The following SSR4 variants were observed in gnomAD, a reference collection of about 807,000 sequenced individuals.
SSR4 encodes signal sequence receptor subunit 4, also known as translocon-associated protein subunit delta.
For missense variants in SSR4, 125 were observed against 148.8 expected (o/e 0.84, Z 0.83); for synonymous variants, 84 against 65.6 (o/e 1.28, Z -1.35).
At chrX:153,797,244 A>T in intron 2 of SSR4, 1 of 430,879 alleles carries the variant, frequency 2.3e-6, no homozygotes, top group South Asian at 3.4e-5. Context: ...AGGCCCGGCC[A>T]TGGGGATCTG....
In SSR4 at chrX:153,796,545, G is replaced by A; in HGVS notation, c.179G>A (p.Arg60Lys). 1 of 1,195,590 alleles carries A rather than the reference G, an allele frequency of 8.4e-7. No individual in the cohort carries two copies. Among genetic ancestry groups the A allele is most frequent in the Non-Finnish European group, 1.1e-6 (1 of 882,453 alleles). Residue 60 changes from arginine to lysine, a missense_variant, in exon 2 of 6, where the codon AGG (arginine) becomes AAG (lysine). Coordinates refer to ENST00000370086, the MANE Select transcript of SSR4 (RefSeq NM_006280.3). ...IVEISLTCKN[R>K]VQNMALYADV... ...GAGATCTCCCTGACATGCAAGAACA[G>A]GGTCCAGGTGAGACAGTGGGGTTTC... is the stretch of plus-strand genomic sequence containing the variant.
upstream of SSR4, chrX:153,794,664 T>G (rs2092128101): frequency 1.7e-6 from 2 of 1,211,135 alleles, no homozygotes; most frequent in Admixed American, 2.2e-5. Context: ...CTCGTTTTCT[T>G]TTCCTCTAGG....
At position 153,794,732 on chromosome X, in the gene SSR4, G is replaced by C. The variant is rs1557071760; in HGVS notation, c.45G>C (p.Leu15=). 8.3e-7 allele frequency: 1 copy of C among 1,210,604 alleles called. No homozygotes were observed. Among genetic ancestry groups the C allele is most frequent in the East Asian group, 3.0e-5 (1 of 33,796 alleles). The part of the protein sequence containing the change: ...ASLGALALLL[L]SSLSRCSAEA... ...TCGGCGCCCTGGCGCTGCTCCTGCT[G>C]TCCAGCCTCTCCCGCTGCTCAGGTA... Residue 15 remains leucine, a synonymous_variant, in exon 1 of 6, where the codon CTG becomes CTC. Coordinates refer to ENST00000370086, the MANE Select transcript of SSR4 (RefSeq NM_006280.3).
Position 153,794,872 on chromosome X carries a change from TC to T in SSR4, c.67+123del. The T allele has an allele frequency of 4.5e-6, 4 of 896,678 alleles. No homozygotes were observed. In the South Asian group the frequency reaches 7.6e-5, roughly 17 times the overall value. 73.9% of individuals were successfully genotyped at this position (896,678 alleles called of 1,213,427 possible). ...GGGTCCGTCGCTGCGGGCCGGGCCTTCCCCCGAGAGGCAGGCGGCCTTGGGA... is the reference window on the plus strand; with the variant it reads ...GGGTCCGTCGCTGCGGGCCGGGCCTTCCCCGAGAGGCAGGCGGCCTTGGGA... On this transcript the variant is annotated intron_variant, in intron 1 of 5. Transcript: ENST00000370086.
chrX:153,795,303 G>A (rs1557071983), intron 1 of SSR4: 1 of 115,640 alleles, frequency 8.6e-6, no homozygotes, highest in African/African-American at 3.2e-5. Flanking sequence ...CATTCGTGAG[G>A]GGCTGAGGTC....
upstream of SSR4, chrX:153,794,194 C>G (rs2092122857): frequency 1.2e-5 from 13 of 1,129,957 alleles, no homozygotes; most frequent in Admixed American, 3.4e-4. Context: ...GCGGCTACCC[C>G]ACCGCTCCCC....
intron 1 of SSR4, chrX:153,795,754 G>A (rs1557072161): frequency 6.8e-5 from 51 of 753,960 alleles, no homozygotes; most frequent in Non-Finnish European, 7.7e-5. Flanking sequence ...TGGACAGCGG[G>A]TGGCTGAGAA....
chrX:153,794,496 A>G, upstream of SSR4: 1 of 1,156,288 alleles, frequency 8.6e-7, no homozygotes, highest in Non-Finnish European at 1.2e-6. Flanking sequence ...CGCCATGTTG[A>G]GGGGGGGACC....
At position 153,797,471 on chromosome X, in the gene SSR4, A is replaced by G; in HGVS notation, c.200A>G (p.Tyr67Cys). The G allele has an allele frequency of 8.3e-7, 1 of 1,211,040 alleles. No homozygotes were observed. Among genetic ancestry groups the G allele is most frequent in the Non-Finnish European group, 1.1e-6 (1 of 894,889 alleles). Residue 67 changes from tyrosine (Y) to cysteine (C), a missense_variant, in exon 3 of 6, where the codon TAT (tyrosine) becomes TGT (cysteine). Transcript: ENST00000370086. ...CKNRVQNMAL[Y>C]ADVGGKQFPV... ...TCCCTCACCCAGAACATGGCTCTCT[A>G]TGCTGACGTCGGTGGAAAACAATTC...
rs782380395 is a variant in SSR4 at position 153,796,572 on chromosome X, G to C, written c.186+20G>C. 1.2e-5 allele frequency: 13 copies of C among 1,108,369 alleles called. No individual in the cohort carries two copies. The South Asian group carries it at 2.4e-4, about 20-fold the overall frequency. 91.3% of individuals were successfully genotyped at this position (1,108,369 alleles called of 1,213,427 possible). ...GTCCAGGTGAGACAGTGGGGTTTCAGACAGGAGGGCGGGTGGGGGGTGCTC... is the reference window on the plus strand; with the variant it reads ...GTCCAGGTGAGACAGTGGGGTTTCACACAGGAGGGCGGGTGGGGGGTGCTC... On this transcript the variant is annotated intron_variant, in intron 2 of 5. Transcript: ENST00000370086.
At chrX:153,795,838 G>A (rs1557072197) in intron 1 of SSR4, 1 of 754,082 alleles carries the variant, frequency 1.3e-6, no homozygotes, top group African/African-American at 2.3e-5. Context: ...TTGGGCCTCT[G>A]GTTATGGAGA....
At chrX:153,797,947 C>T in intron 4 of SSR4, 124 bp from the exon 5 acceptor site, 5 of 894,181 alleles carry the variant, frequency 5.6e-6, no homozygotes, top group East Asian at 3.1e-5. Context: ...TGTCTCTTGC[C>T]CATTTCTCTC....
In SSR4 at chrX:153,798,318, C is replaced by G. The variant is rs782225054; in HGVS notation, c.418-11C>G. The stretch of plus-strand genomic sequence containing the variant: ...CTCCCCTGAGCTGGCTTGTGATCTC[C>G]TTTTTTTCAGGGCACTTGGAACGGG... On this transcript the variant is annotated splice_polypyrimidine_tract_variant and intron_variant, in intron 5 of 5. Coordinates refer to ENST00000370086, the MANE Select transcript of SSR4 (RefSeq NM_006280.3). 3 of 1,205,182 alleles carry G rather than the reference C, an allele frequency of 2.5e-6. No individual in the cohort carries two copies. In the Admixed American group the frequency reaches 6.6e-5, roughly 27 times the overall value.
chrX:153,795,794 C>A (rs1452104058), intron 1 of SSR4: 8 of 754,061 alleles, frequency 1.1e-5, no homozygotes, highest in Non-Finnish European at 1.3e-5. Flanking sequence ...CTTTGTTTCA[C>A]ACCCTCTGAT....
intron 1 of SSR4, chrX:153,795,699 C>T (rs2092135957): frequency 1.3e-6 from 1 of 753,842 alleles, no homozygotes; most frequent in Non-Finnish European, 1.6e-6. Flanking sequence ...AGAGCCTTCT[C>T]TGACGTCCTC....
intron 3 of SSR4, 84 bp downstream of exon 3, chrX:153,797,616 G>A (rs2092149575): frequency 8.9e-7 from 1 of 1,125,922 alleles, no homozygotes; most frequent in Non-Finnish European, 1.2e-6. Context: ...GTCAACCAGG[G>A]CCAGGGGCCG....
rs782637629 is a variant in SSR4, at chrX:153,796,253, C to T, written c.68-181C>T. On this transcript the variant is annotated intron_variant, in intron 1 of 5. Transcript: ENST00000370086. ...CCTTCCTTCACAGCCATCCCGCCTA[C>T]GTTGCCATTGCATTTGTGACCGAGC... is the stretch of plus-strand genomic sequence containing the variant. 577 of 428,427 alleles carry T rather than the reference C, an allele frequency of 1.3e-3. 5 individuals carry two copies. The highest frequency in any genetic ancestry group is 0.012 in the African/African-American group (501 of 40,684). 35.3% of individuals were successfully genotyped at this position (428,427 alleles called of 1,213,427 possible).
chrX:153,797,418 A>T lies in SSR4; in HGVS notation c.187-40A>T. On this transcript the variant is annotated intron_variant, in intron 2 of 5. Coordinates refer to ENST00000370086, the MANE Select transcript of SSR4 (RefSeq NM_006280.3). ...ACAGGGCTCCTCTGCCCACACCCAG[A>T]GGGGGCAGAAGGTGACCCTGCCTTT... The T allele has an allele frequency of 2.6e-6, 3 of 1,143,615 alleles. No homozygotes were observed. In the Admixed American group the frequency reaches 6.5e-5, roughly 25 times the overall value. 94.2% of individuals were successfully genotyped at this position (1,143,615 alleles called of 1,213,427 possible).
rs782716135 is a variant in SSR4, at chrX:153,794,738, C to T, written c.51C>T (p.Ser17=). Residue 17 remains serine, a synonymous_variant, in exon 1 of 6, where the codon AGC becomes AGT. Transcript: ENST00000370086. ...LGALALLLLS[S]LSRCSAEACL... ...CCCTGGCGCTGCTCCTGCTGTCCAG[C>T]CTCTCCCGCTGCTCAGGTAGCGGCC... The T allele has an allele frequency of 6.6e-6, 8 of 1,210,849 alleles. No individual in the cohort carries two copies. Among genetic ancestry groups the T allele is most frequent in the Admixed American group, 2.2e-5 (1 of 46,070 alleles).
Sources: allele counts gnomAD v4.1 joint callset, GRCh38; gene constraint gnomAD v4.1.1; transcripts MANE v1.5; gene names NCBI Gene and HGNC (gene_info 2026-07-23, HGNC 2026-07-21).